Variants in DCPS observed in about 807,000 individuals in gnomAD.
DCPS encodes m7GpppX diphosphatase.
A neutral mutation model predicts 34.7 loss-of-function variants in DCPS; 27 were observed. The observed-to-expected ratio is 0.78, with a 90% CI of 0.57 to 1.07. The LOEUF is 1.07. Among genes scored for constraint, DCPS ranks in the 50% least tolerant of loss-of-function variants. The pLI is 0.00. For synonymous variants in DCPS, 185 were observed against 185.7 expected, an observed-to-expected ratio of 1.00 and a Z score of 0.03; for missense variants, 464 against 436.9, an observed-to-expected ratio of 1.06 and a Z score of -0.55.
Position 126,328,420 on chromosome 11 carries a change from T to G in DCPS, c.377-2985T>G, listed in dbSNP as rs778193722. ...AGTCCTGCAGTCAGGTTCCCATCCCTGCAGGTGCACCTCAGGAAAGGCAGG... is the reference window on the plus strand; with the variant it reads ...AGTCCTGCAGTCAGGTTCCCATCCCGGCAGGTGCACCTCAGGAAAGGCAGG... On this transcript the variant is annotated intron_variant, in intron 2 of 5. Transcript: ENST00000263579. This position sits in a 1 kb window ranked among gnomAD's most constrained non-coding sequence, Gnocchi z 6.6. Among the ~76,000 whole-genome samples the G allele has an allele frequency of 4.0e-4, 61 of 152,074 alleles. No individual in the cohort carries two copies. The highest frequency in any genetic ancestry group is 7.4e-4 in the Non-Finnish European group (50 of 68,004).
At position 126,315,520 on chromosome 11, in the gene DCPS, G is replaced by A. The variant is rs1008952335; in HGVS notation, c.376+8776G>A. On this transcript the variant is annotated intron_variant, in intron 2 of 5. Transcript: ENST00000263579. The surrounding 1 kb of genome is among the most constrained non-coding windows in gnomAD (Gnocchi z 6.1). Reference sequence around the variant, plus strand: ...GGCTGCAGTGAACTATGATTATGCCGCTGCACTCCAACCTGGGTGGCAGAG... The same window carrying A: ...GGCTGCAGTGAACTATGATTATGCCACTGCACTCCAACCTGGGTGGCAGAG... Among the ~76,000 whole-genome samples, 23 of 151,832 alleles carry A rather than the reference G, an allele frequency of 1.5e-4. 1 individual carries two copies. The highest frequency in any genetic ancestry group is 4.6e-4 in the African/African-American group (19 of 41,312).
At position 126,327,368 on chromosome 11, in the gene DCPS, G is replaced by A. The variant is rs1951749107; in HGVS notation, c.377-4037G>A. Among the ~76,000 whole-genome samples the A allele has an allele frequency of 6.6e-6, 1 of 152,230 alleles. No individual in the cohort carries two copies. Among genetic ancestry groups the A allele is most frequent in the African/African-American group, 2.4e-5 (1 of 41,452 alleles). Reference sequence around the variant, plus strand: ...GGCCAGAATTCCACATGATCAGGAGGCACATGATGTCGGCGTGCCCAGCAG... The same window carrying A: ...GGCCAGAATTCCACATGATCAGGAGACACATGATGTCGGCGTGCCCAGCAG... On this transcript the variant is annotated intron_variant, in intron 2 of 5. Coordinates refer to ENST00000263579, the MANE Select transcript of DCPS (RefSeq NM_014026.6). This position sits in a 1 kb window ranked among gnomAD's most constrained non-coding sequence, Gnocchi z 4.1.
chr11:126,304,282 G>T lies in DCPS; in HGVS notation c.201+1G>T. ...CAAAATCATTTTCCTACACGGGAAG[G>T]TACCAGGAGGCAACCCTGAGGTGGG... On this transcript the variant is annotated splice_donor_variant, in intron 1 of 5. Transcript: ENST00000263579. LOFTEE classifies it high-confidence loss of function. 6.2e-7 allele frequency: 1 copy of T among 1,614,154 alleles called. No homozygotes were observed. The highest frequency in any genetic ancestry group is 8.5e-7 in the Non-Finnish European group (1 of 1,180,004).
intron 5 of DCPS, 70 bp downstream of exon 5, chr11:126,343,487 C>G: frequency 7.6e-7 from 1 of 1,316,486 alleles, no homozygotes; most frequent in Non-Finnish European, 1.1e-6. Flanking sequence ...GTTCCTGGGC[C>G]CCTTTCCTCA....
At chr11:126,306,190 T>C (rs1951563384) in intron 1 of DCPS, among the ~76,000 whole-genome samples, 1 of 151,974 alleles carries the variant, frequency 6.6e-6, no homozygotes, top group Non-Finnish European at 1.5e-5. Flanking sequence ...CTGGCCAACA[T>C]GGTGAAACCC....
chr11:126,334,220 C>T lies in DCPS; in HGVS notation c.522+2670C>T, dbSNP rs1398651911. The stretch of plus-strand genomic sequence containing the variant: ...CATGACCCAGTATAGGGGACAGAAA[C>T]AGAAGAGTGGGTTTGCATGGAAGAC... On this transcript the variant is annotated intron_variant, in intron 3 of 5. Coordinates refer to ENST00000263579, the MANE Select transcript of DCPS (RefSeq NM_014026.6). The surrounding 1 kb of genome is among the most constrained non-coding windows in gnomAD (Gnocchi z 5.5). 6.6e-6 allele frequency among the ~76,000 whole-genome samples: 1 copy of T among 152,116 alleles called. No homozygotes were observed. Among genetic ancestry groups the T allele is most frequent in the Admixed American group, 6.5e-5 (1 of 15,268 alleles).
At chr11:126,321,065 G>A (rs1951702575) in intron 2 of DCPS, among the ~76,000 whole-genome samples, 1 of 151,834 alleles carries the variant, frequency 6.6e-6, no homozygotes, top group South Asian at 2.1e-4. Flanking sequence ...GATTAGCCTG[G>A]GCAACATGGG....
chr11:126,305,649 G>T (rs1006177588), intron 1 of DCPS, among the ~76,000 whole-genome samples: 2 of 152,116 alleles, frequency 1.3e-5, no homozygotes, highest in African/African-American at 4.8e-5. Flanking sequence ...TTGAACTCCT[G>T]ACCTCAGGTG....
At position 126,349,297 on chromosome 11, in the gene DCPS, C is replaced by G. The variant is rs1951968223; in HGVS notation, c.*3684C>G. 6.6e-6 allele frequency among the ~76,000 whole-genome samples: 1 copy of G among 152,230 alleles called. No individual in the cohort carries two copies. The highest frequency in any genetic ancestry group is 1.5e-5 in the Non-Finnish European group (1 of 68,048). On this transcript the variant is annotated 3_prime_UTR_variant, in exon 6 of 6. Transcript: ENST00000263579. The surrounding 1 kb of genome is among the most constrained non-coding windows in gnomAD (Gnocchi z 5.4). ...TGTGTGCCCTCAGAAGCATGCCATG[C>G]CCCCGCTCTGCTGGAGCAGTGGCAG...
At chr11:126,311,120 C>T (rs553704159) in intron 2 of DCPS, among the ~76,000 whole-genome samples, 73 of 152,358 alleles carry the variant, frequency 4.8e-4, no homozygotes, top group Non-Finnish European at 9.4e-4. Context: ...GCCACTCATC[C>T]TTCCAGCTGC....
chr11:126,327,885 A>G lies in DCPS; in HGVS notation c.377-3520A>G, dbSNP rs1951752495. Among the ~76,000 whole-genome samples, 1 of 152,240 alleles carries G rather than the reference A, an allele frequency of 6.6e-6. No homozygotes were observed. Among genetic ancestry groups the G allele is most frequent in the African/African-American group, 2.4e-5 (1 of 41,466 alleles). On this transcript the variant is annotated intron_variant, in intron 2 of 5. Coordinates refer to ENST00000263579, the MANE Select transcript of DCPS (RefSeq NM_014026.6). The surrounding 1 kb of genome is among the most constrained non-coding windows in gnomAD (Gnocchi z 4.1). ...AGCTGCATAGTAGTTGGGGAGTCAG[A>G]CAGTCCATCCACCTGCTGCTGTGAG...
At position 126,322,963 on chromosome 11, in the gene DCPS, G is replaced by A. The variant is rs1591385568; in HGVS notation, c.377-8442G>A. Reference sequence around the variant, plus strand: ...CCACTTCACCTTCCCGAGTAGTGGCGACCAGAGGCAGGTACCACCACACGT... The same window carrying A: ...CCACTTCACCTTCCCGAGTAGTGGCAACCAGAGGCAGGTACCACCACACGT... On this transcript the variant is annotated intron_variant, in intron 2 of 5. Coordinates refer to ENST00000263579, the MANE Select transcript of DCPS (RefSeq NM_014026.6). The surrounding 1 kb of genome is among the most constrained non-coding windows in gnomAD (Gnocchi z 4.2). 6.6e-6 allele frequency among the ~76,000 whole-genome samples: 1 copy of A among 152,068 alleles called. No homozygotes were observed. The highest frequency in any genetic ancestry group is 1.9e-4 in the East Asian group (1 of 5,178).
chr11:126,337,498 G>C lies in DCPS; in HGVS notation c.523-788G>C, dbSNP rs1051604620. The C allele has an allele frequency of 8.5e-5, 13 of 152,194 alleles. No homozygotes were observed. Among genetic ancestry groups the C allele is most frequent in the African/African-American group, 3.1e-4 (13 of 41,400 alleles). The allele number at this position is 152,194 out of a possible 1,614,324, so 9.4% of individuals were successfully genotyped here. A position where few individuals can be genotyped will look rare whatever the true frequency, so the allele number is the denominator to read the frequency against. ...CCATCTCTGTAAAGTAATGTCCTTGGGTCAACACAGGCCTGGGAAAGGTCC... is the reference window on the plus strand; with the variant it reads ...CCATCTCTGTAAAGTAATGTCCTTGCGTCAACACAGGCCTGGGAAAGGTCC... On this transcript the variant is annotated intron_variant, in intron 3 of 5. Transcript: ENST00000263579. This position sits in a 1 kb window ranked among gnomAD's most constrained non-coding sequence, Gnocchi z 5.3.
intron 4 of DCPS, among the ~76,000 whole-genome samples, chr11:126,340,295 A>T (rs1176355885): frequency 6.6e-6 from 1 of 151,848 alleles, no homozygotes; most frequent in African/African-American, 2.4e-5. Flanking sequence ...ATAGCGATGC[A>T]GGTGTGGTCC....
intron 4 of DCPS, chr11:126,341,183 G>A (rs1951872795): frequency 6.6e-6 from 1 of 152,236 alleles, no homozygotes; most frequent in East Asian, 1.9e-4. Context: ...TCACCCCAGA[G>A]GTTAAGAGAT....
intron 1 of DCPS, among the ~76,000 whole-genome samples, chr11:126,304,591 A>G (rs1951547956): frequency 6.6e-6 from 1 of 152,182 alleles, no homozygotes; most frequent in Admixed American, 6.5e-5. Context: ...CCATTTATGT[A>G]TACAGGGACT....
At position 126,335,645 on chromosome 11, in the gene DCPS, A is replaced by G. The variant is rs1239762701; in HGVS notation, c.523-2641A>G. On this transcript the variant is annotated intron_variant, in intron 3 of 5. Coordinates refer to ENST00000263579, the MANE Select transcript of DCPS (RefSeq NM_014026.6). The surrounding 1 kb of genome is among the most constrained non-coding windows in gnomAD (Gnocchi z 4.8). ...TCTTCTTAACTGTAAAATGGGGACA[A>G]TGTCCAGGCGCGGTGGCTTATGCCT... 1.3e-5 allele frequency among the ~76,000 whole-genome samples: 2 copies of G among 152,124 alleles called. No individual in the cohort carries two copies. Among genetic ancestry groups the G allele is most frequent in the Non-Finnish European group, 2.9e-5 (2 of 68,014 alleles).
chr11:126,326,249 C>T (rs1426978974), intron 2 of DCPS, among the ~76,000 whole-genome samples: 1 of 152,206 alleles, frequency 6.6e-6, no homozygotes, highest in East Asian at 1.9e-4. Flanking sequence ...CCTGAGCAGG[C>T]GGTGCCCTCA....
At chr11:126,339,463 AG>A (rs1167636786) in intron 4 of DCPS, among the ~76,000 whole-genome samples, 10 of 152,234 alleles carry the variant, frequency 6.6e-5, no homozygotes, top group Non-Finnish European at 1.2e-4. Flanking sequence ...CGTGGGGTAA[AG>A]GGGTGGGATT....
Sources: allele counts gnomAD v4.1 joint callset (sites outside exome capture counted in the v4.1 genomes callset), GRCh38; gene constraint gnomAD v4.1.1; non-coding constraint Gnocchi (gnomAD v3.1); transcripts MANE v1.5; gene names NCBI Gene and HGNC (gene_info 2026-07-23, HGNC 2026-07-21).